AMPH: variants seen among roughly 807,000 people sequenced by gnomAD.
AMPH encodes the protein amphiphysin.
Under a neutral mutation model 99.1 loss-of-function variants are expected in AMPH, and 49 were observed. The ratio of observed to expected loss-of-function variants is 0.49; its 90% CI spans 0.39 to 0.63. AMPH has a LOEUF of 0.63. Among genes scored for constraint, AMPH ranks in the 20% least tolerant of loss-of-function variants. The pLI is 0.00. For synonymous variants in AMPH, 314 were observed against 317.3 expected (o/e 0.99, Z 0.11); for missense variants, 759 against 863.4 (o/e 0.88, Z 1.52).
At chr7:38,521,320 G>A (rs1187343834) in intron 2 of AMPH, among the ~76,000 whole-genome samples, 10 of 152,136 alleles carry the variant, frequency 6.6e-5, no homozygotes, top group African/African-American at 1.2e-4. Flanking sequence ...TCAGAGGTTC[G>A]AGACCAGCCT....
intron 17 of AMPH, among the ~76,000 whole-genome samples, chr7:38,398,755 G>A (rs571502777): frequency 6.6e-6 from 1 of 152,206 alleles, no homozygotes; most frequent in South Asian, 2.1e-4. Context: ...TTTACCCTGA[G>A]GTAATTACTA....
chr7:38,439,845 C>T (rs1786433790), intron 11 of AMPH, among the ~76,000 whole-genome samples: 2 of 152,086 alleles, frequency 1.3e-5, no homozygotes, highest in Admixed American at 6.6e-5. Flanking sequence ...AGTAAAGTAC[C>T]GGACCTCTTC....
intron 11 of AMPH, among the ~76,000 whole-genome samples, chr7:38,437,801 T>TC (rs1376389206): frequency 3.3e-4 from 49 of 150,240 alleles, no homozygotes; most frequent in Non-Finnish European, 7.0e-4. Context: ...AAGGCTCCAT[T>TC]CCCCCCCAAA....
intron 1 of AMPH, among the ~76,000 whole-genome samples, chr7:38,610,314 A>AG (rs2129065525): frequency 2.6e-5 from 1 of 38,384 alleles, no homozygotes; most frequent in Admixed American, 2.8e-4. Flanking sequence ...AAGAAAAGAA[A>AG]AGAAAAGAAA....
At chr7:38,494,290 A>G in intron 4 of AMPH, 143 bp downstream of exon 4, 1 of 678,640 alleles carries the variant, frequency 1.5e-6, no homozygotes. Context: ...GTTTGGAATC[A>G]TCAGGCAGCA....
intron 8 of AMPH, among the ~76,000 whole-genome samples, 178 bp from the exon 9 acceptor site, chr7:38,465,727 G>A (rs1787626715): frequency 6.6e-6 from 1 of 152,120 alleles, no homozygotes; most frequent in African/African-American, 2.4e-5. Flanking sequence ...TGTCAAAACT[G>A]AAACAAACGA....
intron 1 of AMPH, among the ~76,000 whole-genome samples, chr7:38,537,470 G>A (rs562228069): frequency 3.3e-5 from 5 of 152,308 alleles, no homozygotes; most frequent in African/African-American, 9.6e-5. Context: ...AAGCCAGGGA[G>A]AATGTTGAAA....
intron 2 of AMPH, among the ~76,000 whole-genome samples, chr7:38,508,629 G>A (rs1040232059): frequency 6.6e-6 from 1 of 152,164 alleles, no homozygotes; most frequent in Non-Finnish European, 1.5e-5. Context: ...TCATAAAGTT[G>A]CAATTTTACA....
chr7:38,607,763 T>G (rs1793484768), intron 1 of AMPH, among the ~76,000 whole-genome samples: 1 of 152,226 alleles, frequency 6.6e-6, no homozygotes, highest in Admixed American at 6.5e-5. Context: ...TCAGTTTATT[T>G]GAATTACATA....
At chr7:38,497,289 A>C (rs756092435) in intron 3 of AMPH, among the ~76,000 whole-genome samples, 4 of 152,238 alleles carry the variant, frequency 2.6e-5, no homozygotes, top group Non-Finnish European at 5.9e-5. Flanking sequence ...AAAGGTGCTA[A>C]ATGCTACCTC....
At chr7:38,511,897 A>G (rs892321191) in intron 2 of AMPH, among the ~76,000 whole-genome samples, 1 of 152,226 alleles carries the variant, frequency 6.6e-6, no homozygotes, top group South Asian at 2.1e-4. Context: ...TATCTTTATT[A>G]TATGTGTGCA....
At chr7:38,464,706 T>G (rs1787584665) in intron 9 of AMPH, among the ~76,000 whole-genome samples, 1 of 151,966 alleles carries the variant, frequency 6.6e-6, no homozygotes, top group South Asian at 2.1e-4. Context: ...ACCAGAGAGG[T>G]TTTGAACTTA....
intron 20 of AMPH, among the ~76,000 whole-genome samples, chr7:38,388,818 A>AT (rs1395733130): frequency 6.6e-6 from 1 of 151,664 alleles, no homozygotes; most frequent in Non-Finnish European, 1.5e-5. Context: ...TAAAAAAAAA[A>AT]TTTTTTGTAG....
intron 12 of AMPH, among the ~76,000 whole-genome samples, chr7:38,433,738 A>AAAAAAAC (rs1786141199): frequency 6.8e-6 from 1 of 147,944 alleles, no homozygotes; most frequent in African/African-American, 2.5e-5. Context: ...AAAAAAAAAA[A>AAAAAAAC]AAAAAAAAGA....
chr7:38,425,610 T>C (rs1035893085), intron 15 of AMPH, among the ~76,000 whole-genome samples: 4 of 152,174 alleles, frequency 2.6e-5, no homozygotes, highest in African/African-American at 9.7e-5. Context: ...GATGGAACTC[T>C]ATCAGAGGAA....
intron 15 of AMPH, among the ~76,000 whole-genome samples, chr7:38,422,983 T>C (rs936486295): frequency 6.6e-6 from 1 of 152,166 alleles, no homozygotes; most frequent in African/African-American, 2.4e-5. Flanking sequence ...AGTCAAAACA[T>C]GCAAAAGTAA....
chr7:38,400,737 T>A (rs2128979390), intron 17 of AMPH, among the ~76,000 whole-genome samples: 1 of 152,344 alleles, frequency 6.6e-6, no homozygotes, highest in East Asian at 1.9e-4. Context: ...TTTACTTATT[T>A]GCTTGTTTTC....
intron 2 of AMPH, among the ~76,000 whole-genome samples, chr7:38,525,277 T>TATAGAG (rs1481528083): frequency 9.3e-4 from 81 of 86,640 alleles, no homozygotes; most frequent in East Asian, 3.6e-3. Context: ...TATATATATA[T>TATAGAG]AGAGAGAGAG....
In AMPH at chr7:38,537,230, G is replaced by A. The variant is rs1790643222; in HGVS notation, c.70-2219C>T. Among the ~76,000 whole-genome samples, 3 of 151,996 alleles carry A rather than the reference G, an allele frequency of 2.0e-5. No homozygotes were observed. The South Asian group carries it at 6.2e-4, about 32-fold the overall frequency. On this transcript the variant is annotated intron_variant, in intron 1 of 20. Coordinates refer to ENST00000356264, the MANE Select transcript of AMPH (RefSeq NM_001635.4). Reference sequence around the variant, plus strand: ...ATATAAACTGAAAATAAGACTTCCAGAGGCAACCATGAGGGACCTATATCT... The same window carrying A: ...ATATAAACTGAAAATAAGACTTCCAAAGGCAACCATGAGGGACCTATATCT...
Sources: gnomAD v4.1 joint callset for allele counts (sites outside exome capture counted in the v4.1 genomes callset) on GRCh38, gnomAD v4.1.1 for gene constraint, MANE v1.5 for transcripts, NCBI Gene and HGNC (gene_info 2026-07-23, HGNC 2026-07-21) for gene names.